BRAF: variants seen among roughly 807,000 people sequenced by gnomAD.
The protein encoded by BRAF is B-Raf proto-oncogene, serine/threonine kinase, also known as serine/threonine-protein kinase B-raf.
A neutral mutation model predicts 104.6 loss-of-function variants in BRAF; 16 were observed. The ratio of observed to expected loss-of-function variants is 0.15; its 90% confidence interval spans 0.10 to 0.23. The LOEUF is 0.23. Among genes scored for constraint, BRAF ranks in the 10% least tolerant of loss-of-function variants. The pLI is 1.00. For missense variants in BRAF, 541 were observed against 937.3 expected (o/e 0.58, Z 5.52); for synonymous variants, 310 against 341.6 (o/e 0.91, Z 1.02).
At chr7:140,772,559 C>T (rs1799956667) in intron 14 of BRAF, among the ~76,000 whole-genome samples, 9 of 151,684 alleles carry the variant, frequency 5.9e-5, no homozygotes, top group Admixed American at 5.3e-4. Flanking sequence ...GAGGTTGCAG[C>T]GAGCTGAGAG....
intron 1 of BRAF, among the ~76,000 whole-genome samples, chr7:140,868,536 CAG>C (rs1380187911): frequency 6.6e-6 from 1 of 151,598 alleles, no homozygotes; most frequent in Non-Finnish European, 1.5e-5. Flanking sequence ...GAAAAATCCA[CAG>C]AGACAGAAAT....
intron 1 of BRAF, among the ~76,000 whole-genome samples, chr7:140,851,223 C>T (rs1463362765): frequency 6.6e-6 from 1 of 152,024 alleles, no homozygotes; most frequent in Admixed American, 6.6e-5. Context: ...AAAAGAAAAA[C>T]AGTCCAATTT....
At chr7:140,900,794 A>G (rs1815534827) in intron 1 of BRAF, among the ~76,000 whole-genome samples, 1 of 152,208 alleles carries the variant, frequency 6.6e-6, no homozygotes, top group African/African-American at 2.4e-5. Context: ...TATTTTTAGT[A>G]GAGACGGGGT....
At chr7:140,823,960 A>G (rs1805745148) in intron 3 of BRAF, 1 of 152,192 alleles carries the variant, frequency 6.6e-6, no homozygotes, top group Non-Finnish European at 1.5e-5. Flanking sequence ...GGATATCTTC[A>G]TTAAAGAAAT....
chr7:140,891,173 G>A (rs147288249), intron 1 of BRAF, among the ~76,000 whole-genome samples: 11 of 152,280 alleles, frequency 7.2e-5, no homozygotes, highest in African/African-American at 2.4e-4. Flanking sequence ...AGGGTGTGGG[G>A]TAGAGGGGAA....
At chr7:140,792,545 C>T (rs1435099073) in intron 8 of BRAF, among the ~76,000 whole-genome samples, 3 of 152,146 alleles carry the variant, frequency 2.0e-5, no homozygotes, top group Non-Finnish European at 4.4e-5. Context: ...TTCCTAACCC[C>T]CTTATGTAGT....
At chr7:140,728,520 T>G (rs1264789212) in intron 19 of BRAF, among the ~76,000 whole-genome samples, 3 of 150,560 alleles carry the variant, frequency 2.0e-5, no homozygotes, top group African/African-American at 7.3e-5. Context: ...TATTTAAAGT[T>G]AAGAGGATTG....
intron 1 of BRAF, among the ~76,000 whole-genome samples, chr7:140,871,414 T>C (rs1405441134): frequency 1.3e-5 from 2 of 152,080 alleles, no homozygotes; most frequent in African/African-American, 4.8e-5. Flanking sequence ...GCTACACACA[T>C]ACACATATTG....
chr7:140,879,510 T>C (rs2129101932), intron 1 of BRAF, among the ~76,000 whole-genome samples: 1 of 145,470 alleles, frequency 6.9e-6, no homozygotes, highest in South Asian at 2.2e-4. Context: ...CAAAAAAGTG[T>C]AGCTATAATG....
At chr7:140,888,995 A>C (rs1813905126) in intron 1 of BRAF, among the ~76,000 whole-genome samples, 1 of 152,096 alleles carries the variant, frequency 6.6e-6, no homozygotes, top group East Asian at 1.9e-4. Flanking sequence ...ATCCTACAAT[A>C]CATAGTATTA....
In BRAF at chr7:140,923,295, G is replaced by C. The variant is rs561575495; in HGVS notation, c.138+1271C>G. Among the ~76,000 whole-genome samples, 303 of 152,204 alleles carry C rather than the reference G, an allele frequency of 2.0e-3. 1 individual carries two copies. Among genetic ancestry groups the C allele is most frequent in the Non-Finnish European group, 3.4e-3 (228 of 68,010 alleles). On this transcript the variant is annotated intron_variant, in intron 1 of 19. Transcript: ENST00000644969. ...ACTTCGAGCAAAGTCAACAGAGTAA[G>C]TCACATTACCTAATCAATAACTGTA...
At chr7:140,911,574 T>C (rs1260748332) in intron 1 of BRAF, among the ~76,000 whole-genome samples, 2 of 151,976 alleles carry the variant, frequency 1.3e-5, no homozygotes, top group African/African-American at 4.8e-5. Flanking sequence ...AAACGGTAGG[T>C]GAGGTAAGTC....
chr7:140,719,565 G>C lies in BRAF; in HGVS notation c.*6929C>G. On this transcript the variant is annotated 3_prime_UTR_variant, in exon 20 of 20. Coordinates refer to ENST00000644969, the MANE Select transcript of BRAF (RefSeq NM_001374258.1). ...GAAAAACTCCAAAGTACAAATGAAGGGACCTGAGCAGGAAAGAGAACCAAA... is the reference window on the plus strand; with the variant it reads ...GAAAAACTCCAAAGTACAAATGAAGCGACCTGAGCAGGAAAGAGAACCAAA... 1.0e-5 allele frequency: 11 copies of C among 1,052,530 alleles called. No individual in the cohort carries two copies. Among genetic ancestry groups the C allele is most frequent in the Non-Finnish European group, 1.2e-5 (10 of 869,348 alleles). The allele number at this position is 1,052,530 out of a possible 1,614,324, so 65.2% of individuals were successfully genotyped here. A position where few individuals can be genotyped will look rare whatever the true frequency, so the allele number is the denominator to read the frequency against.
At chr7:140,820,134 GACAA>G (rs1228969551) in intron 3 of BRAF, among the ~76,000 whole-genome samples, 4 of 152,052 alleles carry the variant, frequency 2.6e-5, no homozygotes, top group Non-Finnish European at 5.9e-5. Context: ...CTGTCATACA[GACAA>G]ACAATACACA....
At chr7:140,923,355 G>A (rs1818436212) in intron 1 of BRAF, among the ~76,000 whole-genome samples, 2 of 152,038 alleles carry the variant, frequency 1.3e-5, no homozygotes, top group South Asian at 4.1e-4. Flanking sequence ...TATTTGTAAA[G>A]CATAATAAAG....
chr7:140,763,660 T>C (rs1478614255), intron 14 of BRAF, among the ~76,000 whole-genome samples: 6 of 152,204 alleles, frequency 3.9e-5, no homozygotes, highest in African/African-American at 4.8e-5. Flanking sequence ...CAGAGAATAC[T>C]ACAAACACCT....
intron 17 of BRAF, 115 bp downstream of exon 16, chr7:140,749,172 C>CA: frequency 2.8e-6 from 4 of 1,441,904 alleles, no homozygotes; most frequent in East Asian, 2.4e-5. Flanking sequence ...AAACTGGTAA[C>CA]AAAAAATCAA....
chr7:140,855,056 G>A (rs1010979833), intron 1 of BRAF, among the ~76,000 whole-genome samples: 1 of 152,028 alleles, frequency 6.6e-6, no homozygotes, highest in African/African-American at 2.4e-5. Flanking sequence ...TTTTATATCC[G>A]AAGAATAAAA....
At chr7:140,853,253 G>GT (rs1809391559) in intron 1 of BRAF, among the ~76,000 whole-genome samples, 1 of 152,022 alleles carries the variant, frequency 6.6e-6, no homozygotes, top group East Asian at 1.9e-4. Context: ...AGACGTGGTG[G>GT]TGTGTGCCTG....
Sources: gnomAD v4.1 joint callset for allele counts (sites outside exome capture counted in the v4.1 genomes callset) on GRCh38, gnomAD v4.1.1 for gene constraint, MANE v1.5 for transcripts, NCBI Gene and HGNC (gene_info 2026-07-23, HGNC 2026-07-21) for gene names.